The following GALNT13 variants were observed in gnomAD, a reference collection of about 807,000 sequenced individuals.
GALNT13 encodes the protein polypeptide N-acetylgalactosaminyltransferase 13, also known as UDP-GalNAc:polypeptide N-acetylgalactosaminyltransferase 13.
In GALNT13, 28 loss-of-function variants were observed where a neutral mutation model predicts 64.2. That is an observed-to-expected ratio of 0.44 (90% CI 0.32 to 0.60). The LOEUF (loss-of-function observed/expected upper bound fraction) is 0.60. GALNT13 is among the 20% of genes least tolerant of loss of function. The probability of loss-of-function intolerance (pLI) is 0.05; values close to 1 mark genes in which losing one functional copy is unlikely to be tolerated. For synonymous variants in GALNT13, 214 were observed against 224.6 expected (o/e 0.95, Z 0.42); for missense variants, 577 against 669.8 (o/e 0.86, Z 1.53).
intron 3 of GALNT13, among the ~76,000 whole-genome samples, chr2:154,025,263 G>A (rs567865571): frequency 2.0e-5 from 3 of 152,272 alleles, no homozygotes; most frequent in African/African-American, 4.8e-5. Flanking sequence ...CGTCACTCAC[G>A]CTGGGTGCTG....
chr2:153,940,348 C>G (rs1204037348), intron 2 of GALNT13, among the ~76,000 whole-genome samples: 1 of 151,652 alleles, frequency 6.6e-6, no homozygotes, highest in Non-Finnish European at 1.5e-5. Context: ...ACCTCCGCCC[C>G]CCAGGTTCAA....
the GALNT13 span, among the ~76,000 whole-genome samples, chr2:153,253,571 T>A: frequency 6.7e-6 from 1 of 149,102 alleles, no homozygotes; most frequent in Non-Finnish European, 1.5e-5. Flanking sequence ...ATGCTTCCAG[T>A]TTTTGCCCAT....
chr2:153,689,254 C>T, the GALNT13 span, among the ~76,000 whole-genome samples: 3 of 151,886 alleles, frequency 2.0e-5, no homozygotes, highest in South Asian at 2.1e-4. Context: ...ATGTGTATGT[C>T]GAATAATATG....
At chr2:153,465,333 G>T in the GALNT13 span, among the ~76,000 whole-genome samples, 1 of 152,002 alleles carries the variant, frequency 6.6e-6, no homozygotes, top group Non-Finnish European at 1.5e-5. Flanking sequence ...GTTCTTTGCA[G>T]TTCTGTGCAG....
intron 4 of GALNT13, among the ~76,000 whole-genome samples, chr2:154,154,934 TTGTGTGTGTGTG>T (rs60456139): frequency 0.15 from 22,160 of 149,364 alleles, 3,051 homozygotes; most frequent in East Asian, 0.73. Flanking sequence ...TTGTTTATGT[TTGTGTGTGTGTG>T]TGTGTGTGTG....
At chr2:154,147,184 G>T (rs1242432102) in intron 4 of GALNT13, among the ~76,000 whole-genome samples, 2 of 151,690 alleles carry the variant, frequency 1.3e-5, no homozygotes, top group African/African-American at 4.8e-5. Flanking sequence ...CATTTCTCCA[G>T]CCCCTACCAA....
the GALNT13 span, among the ~76,000 whole-genome samples, chr2:153,770,262 C>T: frequency 1.1e-4 from 16 of 148,814 alleles, no homozygotes; most frequent in Non-Finnish European, 2.1e-4. Context: ...TCCCACCCTA[C>T]CCCTCATTGT....
intron 9 of GALNT13, among the ~76,000 whole-genome samples, chr2:154,370,975 A>G (rs1025398556): frequency 1.3e-5 from 2 of 152,048 alleles, no homozygotes; most frequent in African/African-American, 4.8e-5. Context: ...AAGTTAGAAA[A>G]CCAGAAGAAT....
intron 9 of GALNT13, among the ~76,000 whole-genome samples, chr2:154,359,951 C>A (rs1024710282): frequency 6.6e-6 from 1 of 151,962 alleles, no homozygotes; most frequent in East Asian, 1.9e-4. Context: ...GAAAATGTAG[C>A]CTTTGATCTC....
chr2:153,521,564 T>G, the GALNT13 span, among the ~76,000 whole-genome samples: 5 of 152,146 alleles, frequency 3.3e-5, no homozygotes, highest in Admixed American at 6.5e-5. Context: ...AGTCCATAGT[T>G]TACATCAGGC....
intron 1 of GALNT13, among the ~76,000 whole-genome samples, chr2:153,896,499 T>G (rs1172573534): frequency 6.6e-6 from 1 of 151,972 alleles, no homozygotes; most frequent in Non-Finnish European, 1.5e-5. Flanking sequence ...ATGTAAGCTA[T>G]CACTCTGGAT....
chr2:154,433,344 T>A (rs1043363331), intron 11 of GALNT13, among the ~76,000 whole-genome samples: 2 of 152,022 alleles, frequency 1.3e-5, no homozygotes, highest in Non-Finnish European at 2.9e-5. Context: ...AGTTAAGAGG[T>A]GCTCAGAGAT....
At chr2:153,301,850 T>C in the GALNT13 span, among the ~76,000 whole-genome samples, 1 of 151,754 alleles carries the variant, frequency 6.6e-6, no homozygotes, top group African/African-American at 2.4e-5. Context: ...GATTTCCTGC[T>C]TTTTTAAGGT....
At chr2:153,516,998 C>T in the GALNT13 span, among the ~76,000 whole-genome samples, 1 of 151,880 alleles carries the variant, frequency 6.6e-6, no homozygotes, top group South Asian at 2.1e-4. Context: ...ATTTTTTCCT[C>T]TGAGTTCTTA....
At chr2:153,119,528 A>G in the GALNT13 span, among the ~76,000 whole-genome samples, 1 of 152,256 alleles carries the variant, frequency 6.6e-6, no homozygotes, top group African/African-American at 2.4e-5. Context: ...TAAGTTATAC[A>G]TAAAATAAGA....
chr2:154,270,899 A>G (rs1691316937), intron 8 of GALNT13, among the ~76,000 whole-genome samples: 1 of 151,930 alleles, frequency 6.6e-6, no homozygotes, highest in African/African-American at 2.4e-5. Flanking sequence ...ATAAAGGAAT[A>G]TATCTTGAAG....
chr2:154,391,046 CTTTA>C (rs1698767286), intron 9 of GALNT13, among the ~76,000 whole-genome samples: 1 of 152,206 alleles, frequency 6.6e-6, no homozygotes, highest in Non-Finnish European at 1.5e-5. Flanking sequence ...TGCTGTCTAT[CTTTA>C]GATAGTCTTC....
chr2:153,991,306 A>T (rs951094484), intron 3 of GALNT13, among the ~76,000 whole-genome samples: 92 of 152,246 alleles, frequency 6.0e-4, no homozygotes, highest in African/African-American at 1.8e-3. Flanking sequence ...AAATCGAAGG[A>T]TTGAGGATTC....
At chr2:154,186,398 A>G (rs192953151) in intron 4 of GALNT13, among the ~76,000 whole-genome samples, 6 of 152,180 alleles carry the variant, frequency 3.9e-5, no homozygotes, top group African/African-American at 1.4e-4. Flanking sequence ...TTCTTTGGGC[A>G]TGCTCTCCGT....
Sources: allele counts gnomAD v4.1 joint callset (sites outside exome capture counted in the v4.1 genomes callset), GRCh38; gene constraint gnomAD v4.1.1; transcripts MANE v1.5; gene names NCBI Gene and HGNC (gene_info 2026-07-23, HGNC 2026-07-21).